The following MLPH variants were observed in gnomAD, a reference collection of about 807,000 sequenced individuals.
MLPH encodes exophilin-3.
In MLPH, 51 loss-of-function variants were observed where a neutral mutation model predicts 72.1. The ratio of observed to expected loss-of-function variants is 0.71; its 90% CI spans 0.56 to 0.89. MLPH has a LOEUF of 0.89. MLPH is among the 40% of genes least tolerant of loss of function. MLPH has a pLI of 0.00. For synonymous variants in MLPH, 301 were observed against 310.1 expected (o/e 0.97, Z 0.31); for missense variants, 743 against 759.9 (o/e 0.98, Z 0.26).
At chr2:237,553,465 T>C in intron 15 of MLPH, 101 bp from the exon 16 acceptor site, 1 of 1,082,584 alleles carries the variant, frequency 9.2e-7, no homozygotes, top group Non-Finnish European at 1.4e-6. Flanking sequence ...TGCACATCCA[T>C]GTACACACCT....
intron 13 of MLPH, 149 bp downstream of exon 13, chr2:237,546,832 C>T (rs986924100): frequency 2.3e-5 from 17 of 737,550 alleles, no homozygotes; most frequent in Non-Finnish European, 3.7e-5. Flanking sequence ...GCCACAACAC[C>T]GTGGCAACTC....
intron 2 of MLPH, among the ~76,000 whole-genome samples, chr2:237,494,024 T>A (rs1161797209): frequency 1.3e-5 from 2 of 152,200 alleles, no homozygotes; most frequent in Non-Finnish European, 2.9e-5. Context: ...AACCCACCCA[T>A]CCTTGTTCAC....
At chr2:237,501,040 G>A (rs1392700729) in intron 2 of MLPH, among the ~76,000 whole-genome samples, 1 of 151,886 alleles carries the variant, frequency 6.6e-6, no homozygotes, top group Non-Finnish European at 1.5e-5. Flanking sequence ...TCACATTTAC[G>A]ATGAAATTCG....
chr2:237,498,649 A>C (rs899701425), intron 2 of MLPH, among the ~76,000 whole-genome samples: 1 of 152,154 alleles, frequency 6.6e-6, no homozygotes, highest in Non-Finnish European at 1.5e-5. Context: ...GGGATCGGTG[A>C]GAAGGAAGGG....
intron 2 of MLPH, among the ~76,000 whole-genome samples, chr2:237,507,018 C>T (rs1029551178): frequency 8.6e-5 from 13 of 150,692 alleles, no homozygotes; most frequent in African/African-American, 2.0e-4. Context: ...CATGAAAACC[C>T]GGCAGTTGGA....
At chr2:237,529,709 C>T (rs895597332) in intron 8 of MLPH, among the ~76,000 whole-genome samples, 4 of 152,210 alleles carry the variant, frequency 2.6e-5, no homozygotes, top group Admixed American at 6.5e-5. Context: ...GGCATGAAAC[C>T]CAGAGAAGGG....
chr2:237,545,685 T>G lies in MLPH; in HGVS notation c.1540-921T>G, dbSNP rs977168408. On this transcript the variant is annotated intron_variant, in intron 12 of 15. Coordinates refer to ENST00000264605, the MANE Select transcript of MLPH (RefSeq NM_024101.7). ...CTCCTCTCCTGATCCCATTCAGGAA[T>G]CTTCAGACAAAACCATCCTGATTAG... The G allele has an allele frequency of 3.3e-6, 4 of 1,220,520 alleles. No homozygotes were observed. In the African/African-American group the frequency reaches 6.3e-5, roughly 19 times the overall value. The allele number at this position is 1,220,520 out of a possible 1,614,324, so 75.6% of individuals were successfully genotyped here. A position where few individuals can be genotyped will look rare whatever the true frequency, so the allele number is the denominator to read the frequency against.
At chr2:237,553,491 C>G in intron 15 of MLPH, 75 bp from the exon 16 acceptor site, 1 of 1,358,018 alleles carries the variant, frequency 7.4e-7, no homozygotes. Flanking sequence ...TTTGTATGTG[C>G]ATGCCCATGT....
chr2:237,524,845 G>A (rs1488175392), intron 6 of MLPH, among the ~76,000 whole-genome samples: 1 of 152,212 alleles, frequency 6.6e-6, no homozygotes, highest in African/African-American at 2.4e-5. Context: ...CACAGGCAGT[G>A]CTGAGCCAGA....
chr2:237,534,729 G>A (rs1228245217), intron 9 of MLPH, 82 bp downstream of exon 9: 2 of 1,140,942 alleles, frequency 1.8e-6, no homozygotes, highest in African/African-American at 3.1e-5. Flanking sequence ...TGGGCTTTTG[G>A]GAGAAGAGTT....
intron 14 of MLPH, chr2:237,552,049 T>G: frequency 2.4e-6 from 1 of 408,784 alleles, no homozygotes; most frequent in Non-Finnish European, 4.5e-6. Flanking sequence ...ACCAGTGCAG[T>G]GTGATGGGCC....
At position 237,541,498 on chromosome 2, in the gene MLPH, C is replaced by T. The variant is rs1261782191; in HGVS notation, c.1446+541C>T. Among the ~76,000 whole-genome samples the T allele has an allele frequency of 2.0e-5, 3 of 152,206 alleles. No individual in the cohort carries two copies. The highest frequency in any genetic ancestry group is 1.3e-4 in the Admixed American group (2 of 15,284). Reference sequence around the variant, plus strand: ...TACAGAGAGGAGAGGGGGTGCCTCTCGGACTGTGAGGACAGCCAGCCCCCA... The same window carrying T: ...TACAGAGAGGAGAGGGGGTGCCTCTTGGACTGTGAGGACAGCCAGCCCCCA... On this transcript the variant is annotated intron_variant, in intron 11 of 15. Coordinates refer to ENST00000264605, the MANE Select transcript of MLPH (RefSeq NM_024101.7). This position sits in a 1 kb window ranked among gnomAD's most constrained non-coding sequence, Gnocchi z 5.1.
intron 2 of MLPH, among the ~76,000 whole-genome samples, chr2:237,494,530 G>A (rs548693518): frequency 6.6e-6 from 1 of 152,192 alleles, no homozygotes; most frequent in South Asian, 2.1e-4. Flanking sequence ...TTTCACAGCG[G>A]TGGGCTCTGT....
At chr2:237,552,997 A>G (rs2081068763) in intron 15 of MLPH, 5 of 422,520 alleles carry the variant, frequency 1.2e-5, no homozygotes, top group Non-Finnish European at 2.5e-5. Context: ...GAGTGGGAGC[A>G]GGCTAGAGCC....
chr2:237,538,390 G>A (rs573707718), intron 9 of MLPH, among the ~76,000 whole-genome samples: 6 of 152,352 alleles, frequency 3.9e-5, no homozygotes, highest in Admixed American at 2.0e-4. Context: ...GCGACAGGAC[G>A]GATGGGTCTT....
chr2:237,509,256 G>T (rs1256557634), intron 2 of MLPH, among the ~76,000 whole-genome samples: 3 of 152,226 alleles, frequency 2.0e-5, no homozygotes, highest in Non-Finnish European at 4.4e-5. Context: ...GCCTCCAGCT[G>T]CTGCCCCAGG....
At chr2:237,542,718 G>GA (rs2080725175) in intron 12 of MLPH, 59 bp downstream of exon 12, 15 of 1,245,542 alleles carry the variant, frequency 1.2e-5, no homozygotes, top group South Asian at 2.7e-5. Flanking sequence ...GTGGTGAGTG[G>GA]CGGACAGTGG....
At chr2:237,546,073 G>A (rs2080912832) in intron 12 of MLPH, among the ~76,000 whole-genome samples, 1 of 152,156 alleles carries the variant, frequency 6.6e-6, no homozygotes. Flanking sequence ...GATGTACCTT[G>A]GTTCAGTCCA....
At chr2:237,540,644 A>ACCAAGGG (rs1224192702) in intron 10 of MLPH, 111 bp downstream of exon 10, 1 of 1,499,620 alleles carries the variant, frequency 6.7e-7, no homozygotes, top group African/African-American at 1.4e-5. Context: ...ACAGGAGCAC[A>ACCAAGGG]CCAAGGGCCC....
Sources: allele counts gnomAD v4.1 joint callset (sites outside exome capture counted in the v4.1 genomes callset), GRCh38; gene constraint gnomAD v4.1.1; non-coding constraint Gnocchi (gnomAD v3.1); transcripts MANE v1.5; gene names NCBI Gene and HGNC (gene_info 2026-07-23, HGNC 2026-07-21).